SMARCC1: variants seen among roughly 807,000 people sequenced by gnomAD.
SMARCC1 encodes the protein SWI/SNF complex subunit SMARCC1.
A neutral mutation model predicts 147.4 loss-of-function variants in SMARCC1; 43 were observed. That is an observed-to-expected ratio of 0.29 (90% CI 0.23 to 0.38). SMARCC1 has a LOEUF of 0.38. SMARCC1 is among the 10% of genes least tolerant of loss of function. The probability of loss-of-function intolerance (pLI) is 1.00; values close to 1 mark genes in which losing one functional copy is unlikely to be tolerated. For missense variants in SMARCC1, 1,119 were observed against 1,381.1 expected, an observed-to-expected ratio of 0.81 and a Z score of 3.01; for synonymous variants, 495 against 484.4, an observed-to-expected ratio of 1.02 and a Z score of -0.29.
At chr3:47,715,818 A>C (rs983727173) in intron 7 of SMARCC1, among the ~76,000 whole-genome samples, 3 of 151,978 alleles carry the variant, frequency 2.0e-5, no homozygotes, top group African/African-American at 7.3e-5. Context: ...TTATTCCAAC[A>C]TTCCCTACTA....
At chr3:47,683,991 G>A (rs929086111) in intron 14 of SMARCC1, among the ~76,000 whole-genome samples, 16 of 151,726 alleles carry the variant, frequency 1.1e-4, no homozygotes, top group Admixed American at 2.0e-4. Flanking sequence ...GGTGGCTCAC[G>A]CCTGTAATCC....
At chr3:47,634,503 T>C (rs2032942513) in intron 24 of SMARCC1, among the ~76,000 whole-genome samples, 1 of 152,230 alleles carries the variant, frequency 6.6e-6, no homozygotes, top group Non-Finnish European at 1.5e-5. Flanking sequence ...GTTCTAGTAA[T>C]CACTGTTTCT....
intron 19 of SMARCC1, among the ~76,000 whole-genome samples, chr3:47,668,574 TAA>T (rs1259964341): frequency 6.6e-6 from 1 of 152,212 alleles, no homozygotes; most frequent in Non-Finnish European, 1.5e-5. Context: ...TGTGCTTTGA[TAA>T]AAGACTTTAT....
chr3:47,701,668 G>A (rs1465411839), intron 10 of SMARCC1: 3 of 348,040 alleles, frequency 8.6e-6, no homozygotes, highest in Admixed American at 9.6e-5. Context: ...ACAAAAATAA[G>A]CCGGGCATGG....
chr3:47,686,276 G>C (rs560293723), intron 13 of SMARCC1, 106 bp from the exon 14 acceptor site: 38 of 845,762 alleles, frequency 4.5e-5, no homozygotes, highest in Non-Finnish European at 6.3e-5. Flanking sequence ...GAAGCTCCCC[G>C]ATTCGATCAG....
chr3:47,650,434 A>C (rs1446138422), intron 21 of SMARCC1, among the ~76,000 whole-genome samples: 3 of 151,972 alleles, frequency 2.0e-5, no homozygotes, highest in Non-Finnish European at 4.4e-5. Context: ...TGCTGTAAGT[A>C]AACAAACTAC....
At chr3:47,611,945 G>A (rs1236136513) in intron 25 of SMARCC1, among the ~76,000 whole-genome samples, 1 of 152,222 alleles carries the variant, frequency 6.6e-6, no homozygotes, top group Middle Eastern at 3.2e-3. Context: ...TCCTTAGGGA[G>A]AGGGAGATTT....
chr3:47,619,306 G>A (rs883663), intron 25 of SMARCC1, among the ~76,000 whole-genome samples: 94,028 of 152,178 alleles, frequency 0.62, 29,785 homozygotes, highest in East Asian at 0.72. Flanking sequence ...ATGCTGGCAC[G>A]CACTCATTTA....
At chr3:47,669,835 A>T (rs1428777568) in intron 19 of SMARCC1, among the ~76,000 whole-genome samples, 2 of 152,260 alleles carry the variant, frequency 1.3e-5, no homozygotes, top group African/African-American at 4.8e-5. Context: ...AAAGCAGTAC[A>T]GCAACCAAAA....
chr3:47,723,423 C>T (rs1303352350), intron 6 of SMARCC1, among the ~76,000 whole-genome samples: 5 of 132,862 alleles, frequency 3.8e-5, no homozygotes, highest in African/African-American at 1.1e-4. Context: ...TGCAGTGGCA[C>T]GATCTCAGCT....
chr3:47,678,339 G>A (rs766850029), intron 15 of SMARCC1, 28 bp from the exon 16 acceptor site: 4 of 1,175,594 alleles, frequency 3.4e-6, no homozygotes, highest in Non-Finnish European at 5.0e-6. Flanking sequence ...AATTCATAAG[G>A]TGGACATGTA....
chr3:47,604,584 G>A (rs902883138), intron 26 of SMARCC1: 13 of 276,252 alleles, frequency 4.7e-5, no homozygotes, highest in South Asian at 7.4e-5. Context: ...TACTTGCCCT[G>A]GTTTGAAAGT....
At chr3:47,728,875 C>T in intron 6 of SMARCC1, 150 bp downstream of exon 6, 1 of 443,062 alleles carries the variant, frequency 2.3e-6, no homozygotes. Context: ...CGCGCCACTG[C>T]ACTCCAGCCT....
At chr3:47,723,362 T>G (rs904910529) in intron 6 of SMARCC1, among the ~76,000 whole-genome samples, 2 of 143,610 alleles carry the variant, frequency 1.4e-5, no homozygotes, top group African/African-American at 5.1e-5. Context: ...TGGGTTTTTT[T>G]TTTTTTTTTT....
In SMARCC1 at chr3:47,710,726, T is replaced by G. The variant is rs752028041; in HGVS notation, c.875A>C (p.Lys292Thr). 2 of 1,613,780 alleles carry G rather than the reference T, an allele frequency of 1.2e-6. No individual in the cohort carries two copies. The highest frequency in any genetic ancestry group is 1.1e-5 in the South Asian group (1 of 91,018). ...AATCCGCTGACGAAAACTCACAGGC[T>G]TCCTATTTTCATCCACCTCATAATC... ...EEDYEVDENR[K>T]PVSFRQRIST... The change falls in exon 9 of 28, where the codon AAG becomes ACG. Residue 292 changes from lysine (K) to threonine (T), a missense_variant. By Grantham distance (78) the Lys-to-Thr change is moderately conservative (BLOSUM62 -1). This residue lies in a region of SMARCC1 where 542 missense variants were observed against 611.8 expected (regional missense o/e 0.89). Transcript: ENST00000254480.
At chr3:47,589,757 G>GT (rs1442852088) in intron 27 of SMARCC1, among the ~76,000 whole-genome samples, 4 of 152,166 alleles carry the variant, frequency 2.6e-5, no homozygotes, top group African/African-American at 9.7e-5. Context: ...GTAACCTTTG[G>GT]TAAGTTCTAT....
At chr3:47,645,796 T>G (rs2033113508) in intron 21 of SMARCC1, among the ~76,000 whole-genome samples, 1 of 152,204 alleles carries the variant, frequency 6.6e-6, no homozygotes, top group African/African-American at 2.4e-5. Flanking sequence ...ACCCACTTTC[T>G]GTATTGGTAA....
chr3:47,755,273 C>T (rs1407492977), intron 2 of SMARCC1, among the ~76,000 whole-genome samples: 1 of 150,910 alleles, frequency 6.6e-6, no homozygotes, highest in Non-Finnish European at 1.5e-5. Context: ...GAGGCTGAGG[C>T]GGGCTGATCA....
chr3:47,752,741 G>T (rs1165215308), intron 2 of SMARCC1, among the ~76,000 whole-genome samples: 1 of 152,052 alleles, frequency 6.6e-6, no homozygotes, highest in African/African-American at 2.4e-5. Context: ...AGTGACCCAT[G>T]ATCACAGTCC....
Sources: gnomAD v4.1 joint callset for allele counts (sites outside exome capture counted in the v4.1 genomes callset) on GRCh38, gnomAD v4.1.1 for gene constraint, gnomAD v4.1.1 regional missense constraint, MANE v1.5 for transcripts, NCBI Gene and HGNC (gene_info 2026-07-23, HGNC 2026-07-21) for gene names.